Variants in PRKDC observed in about 807,000 individuals in gnomAD.
PRKDC encodes DNA-dependent protein kinase catalytic subunit.
PRKDC carries 82 observed loss-of-function variants against 486.9 expected under a neutral mutation model. The ratio of observed to expected loss-of-function variants is 0.17; its 90% CI spans 0.14 to 0.20. PRKDC has a LOEUF of 0.20. Ranked by LOEUF, PRKDC falls within the 10% of genes least tolerant of loss-of-function variation. PRKDC has a pLI of 1.00. For synonymous variants in PRKDC, 1,895 were observed against 1,837.0 expected (o/e 1.03, Z -0.81); for missense variants, 4,504 against 5,038.2 (o/e 0.89, Z 3.21).
chr8:47,819,481 G>C lies in PRKDC; in HGVS notation c.9366C>G (p.His3122Gln), dbSNP rs369119781. 26 of 1,477,020 alleles carry C rather than the reference G, an allele frequency of 1.8e-5. 1 individual carries two copies. The South Asian group carries it at 2.5e-4, about 14-fold the overall frequency. 91.5% of individuals were successfully genotyped at this position (1,477,020 alleles called of 1,614,324 possible). The change falls in exon 67 of 86, where the codon CAC (histidine) becomes CAG (glutamine). Residue 3122 changes from histidine to glutamine, a missense_variant. By Grantham distance (24) the His-to-Gln change is conservative. Transcript: ENST00000314191. The part of the protein sequence containing the change: ...QNYSSIDVLL[H>Q]QSRLTKLQSV... ...ACTGCAATTTGGTGAGTCTACTTTG[G>C]TGTAAGAGGACATCAATACTAGAAT...
At position 47,927,336 on chromosome 8, in the gene PRKDC, G is replaced by A; in HGVS notation, c.2277C>T (p.Gly759=). Residue 759 remains glycine (G), a synonymous_variant, in exon 21 of 86, where the codon GGC becomes GGT. Coordinates refer to ENST00000314191, the MANE Select transcript of PRKDC (RefSeq NM_006904.7). ...VPALQMAFKL[G]LSYTPLAEVG... is the part of the protein sequence containing the mutation. ...CTTCTGCCAAGGGGGTATAGCTCAGGCCCAGTTTGAAAGCCATCTGTATGT... is the reference window on the plus strand; with the variant it reads ...CTTCTGCCAAGGGGGTATAGCTCAGACCCAGTTTGAAAGCCATCTGTATGT... 6.2e-7 allele frequency: 1 copy of A among 1,611,890 alleles called. No individual in the cohort carries two copies. The highest frequency in any genetic ancestry group is 1.1e-5 in the South Asian group (1 of 90,494).
intron 16 of PRKDC, among the ~76,000 whole-genome samples, chr8:47,932,712 T>G (rs1042830406): frequency 6.6e-6 from 1 of 152,186 alleles, no homozygotes; most frequent in Non-Finnish European, 1.5e-5. Flanking sequence ...CAAAGTCATT[T>G]CTACATAAAA....
chr8:47,901,875 G>A (rs895042163), intron 27 of PRKDC, among the ~76,000 whole-genome samples: 1 of 152,104 alleles, frequency 6.6e-6, no homozygotes, highest in Non-Finnish European at 1.5e-5. Flanking sequence ...CACTACCTTA[G>A]GTCAGTGACC....
In PRKDC at chr8:47,789,792, T is replaced by C. The variant is rs138653755; in HGVS notation, c.10671-554A>G. ...ATCAAATACACAAATCAATCATATCTACACAACAGAATAAAGGACAAAAAC... is the reference window on the plus strand; with the variant it reads ...ATCAAATACACAAATCAATCATATCCACACAACAGAATAAAGGACAAAAAC... On this transcript the variant is annotated intron_variant, in intron 74 of 85. Coordinates refer to ENST00000314191, the MANE Select transcript of PRKDC (RefSeq NM_006904.7). Among the ~76,000 whole-genome samples, 443 of 152,228 alleles carry C rather than the reference T, an allele frequency of 2.9e-3. 3 individuals carry two copies. Among genetic ancestry groups the C allele is most frequent in the African/African-American group, 0.01 (432 of 41,540 alleles).
Position 47,959,923 on chromosome 8 carries a change from G to A in PRKDC, c.154+50C>T, listed in dbSNP as rs542144612. ...GCGCCGGGCTGCCCGGCTCCAGAAC[G>A]ACTCGGGAAGCCAGGACCCACCCGC... On this transcript the variant is annotated intron_variant, in intron 1 of 85. Coordinates refer to ENST00000314191, the MANE Select transcript of PRKDC (RefSeq NM_006904.7). 10 of 1,517,060 alleles carry A rather than the reference G, an allele frequency of 6.6e-6. No homozygotes were observed. The East Asian group carries it at 2.0e-4, about 30-fold the overall frequency. 94.0% of individuals were successfully genotyped at this position (1,517,060 alleles called of 1,614,324 possible). A position where few individuals can be genotyped will look rare whatever the true frequency, so the allele number is the denominator to read the frequency against.
chr8:47,855,451 A>T, intron 49 of PRKDC, 78 bp from the exon 50 acceptor site: 1 of 1,406,302 alleles, frequency 7.1e-7, no homozygotes, highest in Admixed American at 2.8e-5. Flanking sequence ...GTTCATTTAT[A>T]AAAGAAATCT....
intron 32 of PRKDC, 110 bp downstream of exon 32, chr8:47,890,147 A>AATC: frequency 2.4e-6 from 1 of 414,380 alleles, no homozygotes. Flanking sequence ...TAATAATAAT[A>AATC]ATAATAATAA....
rs552034165 is a variant in PRKDC at position 47,780,327 on chromosome 8, A to G, written c.11490-1234T>C. 3.3e-5 allele frequency among the ~76,000 whole-genome samples: 5 copies of G among 152,292 alleles called. No individual in the cohort carries two copies. In the South Asian group the frequency reaches 1.0e-3, roughly 32 times the overall value. ...CTTCCAATAAGGCTTCTGCACTCCTATGAGAAAATATTTTCTTAAATGACA... is the reference window on the plus strand; with the variant it reads ...CTTCCAATAAGGCTTCTGCACTCCTGTGAGAAAATATTTTCTTAAATGACA... On this transcript the variant is annotated intron_variant, in intron 80 of 85. Coordinates refer to ENST00000314191, the MANE Select transcript of PRKDC (RefSeq NM_006904.7).
chr8:47,820,448 A>G (rs1161455765), intron 66 of PRKDC, among the ~76,000 whole-genome samples: 2 of 152,060 alleles, frequency 1.3e-5, no homozygotes, highest in African/African-American at 2.4e-5. Context: ...AAAGGTAACA[A>G]AAAGGAAAAA....
At chr8:47,959,715 C>A (rs963266855) in intron 1 of PRKDC, among the ~76,000 whole-genome samples, 2 of 152,168 alleles carry the variant, frequency 1.3e-5, no homozygotes, top group Non-Finnish European at 2.9e-5. Context: ...CCCTGCCCCC[C>A]ACTCTGCATA....
chr8:47,840,399 G>A (rs1190521548), intron 54 of PRKDC, among the ~76,000 whole-genome samples: 2 of 152,158 alleles, frequency 1.3e-5, no homozygotes, highest in Admixed American at 6.5e-5. Flanking sequence ...ACTGGATCCT[G>A]AAATAGAAAA....
chr8:47,948,124 A>ACACG lies in PRKDC; in HGVS notation c.722-4096_722-4095insCGTG, dbSNP rs922264497. Among the ~76,000 whole-genome samples, 5 of 148,514 alleles carry ACACG rather than the reference A, an allele frequency of 3.4e-5. No individual in the cohort carries two copies. The East Asian group carries it at 5.9e-4, about 17-fold the overall frequency. On this transcript the variant is annotated intron_variant, in intron 7 of 85. Coordinates refer to ENST00000314191, the MANE Select transcript of PRKDC (RefSeq NM_006904.7). ...CACACACACACACACACACACACAC[A>ACACG]CGCGTTTATATATATGTATATATAT...
At chr8:47,909,133 T>C (rs1370939961) in intron 25 of PRKDC, among the ~76,000 whole-genome samples, 1 of 152,216 alleles carries the variant, frequency 6.6e-6, no homozygotes, top group South Asian at 2.1e-4. Flanking sequence ...ATAACACTCT[T>C]AGGATTGGTT....
At position 47,826,825 on chromosome 8, in the gene PRKDC, C is replaced by CGAGGCTCAGCAGGGCTGCGTG; in HGVS notation, c.8593_8613dup (p.His2865_Leu2871dup). On this transcript the variant is annotated inframe_insertion, in exon 63 of 86. Coordinates refer to ENST00000314191, the MANE Select transcript of PRKDC (RefSeq NM_006904.7). ...CAACCAGCGCTAACAGCCGCTGGGT[C>CGAGGCTCAGCAGGGCTGCGTG]GAGGCTCAGCAGGGCTGCGTGCTGA... is the stretch of plus-strand genomic sequence containing the variant. 6.2e-7 allele frequency: 1 copy of CGAGGCTCAGCAGGGCTGCGTG among 1,600,718 alleles called. No individual in the cohort carries two copies. The highest frequency in any genetic ancestry group is 8.5e-7 in the Non-Finnish European group (1 of 1,172,784).
At chr8:47,805,910 C>T (rs1306918853) in intron 69 of PRKDC, among the ~76,000 whole-genome samples, 1 of 152,124 alleles carries the variant, frequency 6.6e-6, no homozygotes, top group Non-Finnish European at 1.5e-5. Context: ...GCTTCCTGGT[C>T]TTTCTCTGCC....
chr8:47,814,500 T>C (rs182957794), intron 68 of PRKDC, among the ~76,000 whole-genome samples: 1 of 152,122 alleles, frequency 6.6e-6, no homozygotes, highest in Non-Finnish European at 1.5e-5. Flanking sequence ...TTAGCAAAGA[T>C]ACAAAGTTAA....
At chr8:47,956,013 C>T in intron 3 of PRKDC, 65 bp from the exon 4 acceptor site, 1 of 1,148,276 alleles carries the variant, frequency 8.7e-7, no homozygotes, top group Non-Finnish European at 1.3e-6. Context: ...CTCAGCAATA[C>T]CTGAAACTAC....
intron 30 of PRKDC, among the ~76,000 whole-genome samples, chr8:47,896,634 G>A (rs1360297369): frequency 2.8e-5 from 4 of 144,704 alleles, no homozygotes; most frequent in Non-Finnish European, 6.0e-5. Context: ...GCAAAAGAGC[G>A]AGACTCCGTC....
At chr8:47,830,563 G>C (rs1001011298) in intron 61 of PRKDC, 42 bp downstream of exon 61, 3 of 1,605,162 alleles carry the variant, frequency 1.9e-6, no homozygotes, top group Non-Finnish European at 2.6e-6. Context: ...ACTGGAAACA[G>C]ATTTTAACCT....
Sources: gnomAD v4.1 joint callset for allele counts (sites outside exome capture counted in the v4.1 genomes callset) on GRCh38, gnomAD v4.1.1 for gene constraint, MANE v1.5 for transcripts, NCBI Gene and HGNC (gene_info 2026-07-23, HGNC 2026-07-21) for gene names.